TUSC3: variants seen among roughly 807,000 people sequenced by gnomAD.
TUSC3 encodes tumor suppressor candidate 3, also known as dolichyl-diphosphooligosaccharide--protein glycosyltransferase subunit TUSC3.
TUSC3 carries 45 observed loss-of-function variants against 44.8 expected under a neutral mutation model. That is an observed-to-expected ratio of 1.00 (90% confidence interval 0.79 to 1.29). TUSC3 has a LOEUF of 1.29. TUSC3 is among the 50% of genes most tolerant of loss of function. The pLI, the probability that TUSC3 is intolerant of heterozygous loss-of-function variation, is 0.00. For missense variants in TUSC3, 519 were observed against 437.9 expected (o/e 1.19, Z -1.65); for synonymous variants, 212 against 152.9 (o/e 1.39, Z -2.85).
At chr8:15,616,936 C>T (rs190307565) in intron 1 of TUSC3, among the ~76,000 whole-genome samples, 22 of 152,216 alleles carry the variant, frequency 1.4e-4, no homozygotes, top group Non-Finnish European at 2.5e-4. Flanking sequence ...CCAGCATGGC[C>T]GAGTGGGCAG....
At chr8:15,562,965 G>C (rs978511312) in intron 1 of TUSC3, among the ~76,000 whole-genome samples, 7 of 151,818 alleles carry the variant, frequency 4.6e-5, no homozygotes, top group Non-Finnish European at 7.4e-5. Context: ...TGGGAGCGCT[G>C]TTCTGCTATA....
At chr8:15,587,773 A>C (rs887693980) in intron 1 of TUSC3, among the ~76,000 whole-genome samples, 33 of 152,164 alleles carry the variant, frequency 2.2e-4, no homozygotes, top group Middle Eastern at 3.4e-3. Context: ...ACTCTCTACT[A>C]GTATGAACTC....
Position 15,673,759 on chromosome 8 carries a change from G to C in TUSC3, c.721G>C (p.Ala241Pro). 6.2e-7 allele frequency: 1 copy of C among 1,612,640 alleles called. No homozygotes were observed. The highest frequency in any genetic ancestry group is 2.2e-5 in the East Asian group (1 of 44,818). ...WAMVSLCIVF[A>P]MTSGQMWNHI... Reference sequence around the variant, plus strand: ...CCCTGTTTTTCAGTGTATAGTCTTTGCTATGACTTCTGGCCAGATGTGGAA... The same window carrying C: ...CCCTGTTTTTCAGTGTATAGTCTTTCCTATGACTTCTGGCCAGATGTGGAA... The change falls in exon 6 of 11, where the codon GCT becomes CCT. Residue 241 changes from alanine (A) to proline (P), a missense_variant. Transcript: ENST00000503731.
intron 6 of TUSC3, among the ~76,000 whole-genome samples, chr8:15,688,620 G>A (rs1466597978): frequency 6.6e-6 from 1 of 151,848 alleles, no homozygotes; most frequent in East Asian, 1.9e-4. Context: ...TCTGTCTTTG[G>A]TCTTTTGTTT....
At chr8:15,455,652 C>T (rs1231209395) in intron 1 of TUSC3, among the ~76,000 whole-genome samples, 3 of 152,234 alleles carry the variant, frequency 2.0e-5, no homozygotes, top group Non-Finnish European at 2.9e-5. Context: ...AATGAGACCA[C>T]CTTTGCAAAA....
chr8:15,468,597 C>G (rs1391551816), intron 1 of TUSC3, among the ~76,000 whole-genome samples: 4 of 152,102 alleles, frequency 2.6e-5, no homozygotes, highest in Admixed American at 6.5e-5. Context: ...TGATGCCCCC[C>G]TCTAATAAAC....
chr8:15,494,533 G>T (rs1800854281), intron 2 of TUSC3, among the ~76,000 whole-genome samples: 1 of 152,030 alleles, frequency 6.6e-6, no homozygotes, highest in Admixed American at 6.6e-5. Flanking sequence ...TAGCCAGGAT[G>T]GTCTCAATCT....
At chr8:15,781,399 G>A in the TUSC3 span, among the ~76,000 whole-genome samples, 2 of 151,918 alleles carry the variant, frequency 1.3e-5, no homozygotes, top group Non-Finnish European at 2.9e-5. Flanking sequence ...ACAGCAGTTT[G>A]GACAAACAAT....
At chr8:15,714,207 A>G (rs1004202798) in intron 6 of TUSC3, among the ~76,000 whole-genome samples, 1 of 152,174 alleles carries the variant, frequency 6.6e-6, no homozygotes, top group Non-Finnish European at 1.5e-5. Context: ...TGAGGATAGA[A>G]TTTTGTAACA....
At chr8:15,722,564 C>G (rs1366170935) in intron 6 of TUSC3, among the ~76,000 whole-genome samples, 1 of 151,998 alleles carries the variant, frequency 6.6e-6, no homozygotes, top group Non-Finnish European at 1.5e-5. Flanking sequence ...GAATACTAGA[C>G]AGGATGACTG....
chr8:15,523,483 A>G (rs1402338506), intron 2 of TUSC3, among the ~76,000 whole-genome samples: 2 of 151,808 alleles, frequency 1.3e-5, no homozygotes, highest in Non-Finnish European at 2.9e-5. Context: ...GACCAACACT[A>G]TTTATTCTGC....
upstream of TUSC3, among the ~76,000 whole-genome samples, chr8:15,537,067 C>T (rs1019497667): frequency 1.6e-4 from 24 of 152,108 alleles, no homozygotes; most frequent in Admixed American, 2.0e-4. Context: ...CCTTTCTTTG[C>T]AGATCCAGTA....
chr8:15,791,308 C>T, the TUSC3 span, among the ~76,000 whole-genome samples: 1 of 147,482 alleles, frequency 6.8e-6, no homozygotes, highest in African/African-American at 2.5e-5. Flanking sequence ...CACACACAGG[C>T]ATCTTGAAAT....
intron 3 of TUSC3, among the ~76,000 whole-genome samples, chr8:15,658,219 T>C (rs927537332): frequency 3.3e-5 from 5 of 152,116 alleles, no homozygotes; most frequent in African/African-American, 7.2e-5. Context: ...TAATGGAAAT[T>C]TGATTGCATT....
the TUSC3 span, among the ~76,000 whole-genome samples, chr8:15,829,247 C>A: frequency 2.8e-3 from 428 of 152,240 alleles, 1 homozygote; most frequent in African/African-American, 9.9e-3. Context: ...AAAGAATCAA[C>A]TTCACTCATG....
At chr8:15,850,957 G>C in the TUSC3 span, among the ~76,000 whole-genome samples, 2 of 152,154 alleles carry the variant, frequency 1.3e-5, no homozygotes, top group African/African-American at 2.4e-5. Flanking sequence ...TCCTTTCTGA[G>C]TACTGAGAGC....
intron 2 of TUSC3, among the ~76,000 whole-genome samples, chr8:15,499,643 C>A (rs763010981): frequency 1.5e-4 from 23 of 152,108 alleles, no homozygotes; most frequent in Admixed American, 2.0e-4. Context: ...CACTGGTCCA[C>A]GGGGTGCTTA....
At chr8:15,635,072 C>G (rs1323596881) in intron 2 of TUSC3, among the ~76,000 whole-genome samples, 1 of 151,678 alleles carries the variant, frequency 6.6e-6, no homozygotes, top group Non-Finnish European at 1.5e-5. Context: ...TTTTTTCCCC[C>G]CAAAGGTAGG....
chr8:15,695,148 A>G (rs1809106433), intron 6 of TUSC3, among the ~76,000 whole-genome samples: 3 of 152,184 alleles, frequency 2.0e-5, no homozygotes, highest in Admixed American at 6.5e-5. Context: ...GAAGGCATGC[A>G]GTTAGCACCA....
Sources: allele counts gnomAD v4.1 joint callset (sites outside exome capture counted in the v4.1 genomes callset), GRCh38; gene constraint gnomAD v4.1.1; transcripts MANE v1.5; gene names NCBI Gene and HGNC (gene_info 2026-07-23, HGNC 2026-07-21).